Variants in MGAT5 observed in about 807,000 individuals in gnomAD.
MGAT5 encodes the protein alpha-1,6-mannosylglycoprotein 6-beta-N-acetylglucosaminyltransferase A.
In MGAT5, 30 loss-of-function variants were observed where a neutral mutation model predicts 94.3. The ratio of observed to expected loss-of-function variants is 0.32; its 90% confidence interval spans 0.24 to 0.43. The LOEUF is 0.43. Ranked by LOEUF, MGAT5 falls within the 20% of genes least tolerant of loss-of-function variation. MGAT5 has a pLI of 1.00. For synonymous variants in MGAT5, 310 were observed against 322.9 expected (o/e 0.96, Z 0.43); for missense variants, 691 against 905.5 (o/e 0.76, Z 3.04).
At chr2:134,193,442 C>G (rs1480476291) in intron 1 of MGAT5, among the ~76,000 whole-genome samples, 1 of 152,148 alleles carries the variant, frequency 6.6e-6, no homozygotes, top group African/African-American at 2.4e-5. Context: ...AGAACGATCC[C>G]CAGGGGGAGA....
chr2:134,359,500 C>T (rs1185052981), intron 9 of MGAT5, among the ~76,000 whole-genome samples: 4 of 152,210 alleles, frequency 2.6e-5, no homozygotes, highest in African/African-American at 7.2e-5. Context: ...CAGAACTTGG[C>T]ATGTAGTCAG....
intron 1 of MGAT5, chr2:134,231,445 A>C (rs1489085228): frequency 1.3e-5 from 2 of 152,242 alleles, no homozygotes; most frequent in African/African-American, 4.8e-5. Context: ...TTATCAAATA[A>C]ACTGCATTCC....
At chr2:134,154,718 G>A (rs577409343) in intron 1 of MGAT5, among the ~76,000 whole-genome samples, 2 of 152,294 alleles carry the variant, frequency 1.3e-5, no homozygotes, top group Non-Finnish European at 2.9e-5. Context: ...CCAAGCCATA[G>A]GTGGGAGTTT....
At chr2:134,304,304 C>G (rs570111742) in intron 2 of MGAT5, among the ~76,000 whole-genome samples, 3 of 152,086 alleles carry the variant, frequency 2.0e-5, no homozygotes, top group Admixed American at 2.0e-4. Flanking sequence ...CTCTCCTATC[C>G]GGATGCCATG....
chr2:134,131,230 G>A (rs1686147418), intron 1 of MGAT5, among the ~76,000 whole-genome samples: 1 of 152,176 alleles, frequency 6.6e-6, no homozygotes, highest in Non-Finnish European at 1.5e-5. Context: ...CGGTCACGCT[G>A]CCTTTAAGAA....
intron 1 of MGAT5, among the ~76,000 whole-genome samples, chr2:134,208,247 T>C (rs1680115815): frequency 6.6e-6 from 1 of 152,236 alleles, no homozygotes; most frequent in Non-Finnish European, 1.5e-5. Context: ...TTCTTCAGTT[T>C]ATCCTGCATC....
intron 2 of MGAT5, among the ~76,000 whole-genome samples, chr2:134,316,366 C>G (rs1686998364): frequency 6.6e-6 from 1 of 152,134 alleles, no homozygotes; most frequent in Non-Finnish European, 1.5e-5. Flanking sequence ...GTTAGATTGT[C>G]CCTTTGGCTG....
chr2:134,193,218 A>T (rs1304307895), intron 1 of MGAT5, among the ~76,000 whole-genome samples: 2 of 151,380 alleles, frequency 1.3e-5, no homozygotes, highest in African/African-American at 4.9e-5. Context: ...GAATTCCCAG[A>T]TTCAAGCAAT....
intron 4 of MGAT5, among the ~76,000 whole-genome samples, chr2:134,329,230 A>G (rs1368276294): frequency 6.6e-6 from 1 of 152,088 alleles, no homozygotes; most frequent in Non-Finnish European, 1.5e-5. Flanking sequence ...GAATGAGGCA[A>G]ACAGTGTAGG....
intron 1 of MGAT5, among the ~76,000 whole-genome samples, chr2:134,131,588 T>C (rs958838761): frequency 6.8e-6 from 1 of 147,624 alleles, no homozygotes; most frequent in African/African-American, 2.5e-5. Context: ...TTTTTTTTTT[T>C]TTTTTTTTTT....
At chr2:134,394,720 G>A (rs567058106) in intron 10 of MGAT5, among the ~76,000 whole-genome samples, 19 of 152,240 alleles carry the variant, frequency 1.2e-4, no homozygotes, top group Admixed American at 3.9e-4. Flanking sequence ...AGGAAGCCCC[G>A]TCACACCTAC....
chr2:134,298,495 T>C (rs1685824316), intron 2 of MGAT5, among the ~76,000 whole-genome samples: 1 of 152,208 alleles, frequency 6.6e-6, no homozygotes, highest in East Asian at 1.9e-4. Flanking sequence ...ATGTCACTTA[T>C]ATTTTTTCCA....
chr2:134,334,496 CTTTTTTTTTT>C (rs59933611), intron 4 of MGAT5, among the ~76,000 whole-genome samples: 3 of 34,108 alleles, frequency 8.8e-5, no homozygotes, highest in East Asian at 1.1e-3. Flanking sequence ...CTTGCTCATC[CTTTTTTTTTT>C]TTTTTTTTTT....
chr2:134,147,606 A>G (rs74938121), intron 1 of MGAT5, among the ~76,000 whole-genome samples: 32 of 150,882 alleles, frequency 2.1e-4, no homozygotes, highest in South Asian at 4.2e-4. Flanking sequence ...AAAAAAAAAA[A>G]AAAAGAAAAG....
intron 1 of MGAT5, among the ~76,000 whole-genome samples, chr2:134,185,036 G>A (rs781183954): frequency 6.6e-6 from 1 of 152,110 alleles, no homozygotes; most frequent in Non-Finnish European, 1.5e-5. Context: ...AGTAACTCAG[G>A]GATGGAAAAC....
chr2:134,398,514 G>GCAGTGGGGAGCA (rs1682843927), intron 10 of MGAT5, among the ~76,000 whole-genome samples: 1 of 152,178 alleles, frequency 6.6e-6, no homozygotes, highest in South Asian at 2.1e-4. Context: ...ATGTGTGTCT[G>GCAGTGGGGAGCA]CAGTGGGGAG....
At chr2:134,305,867 T>C (rs1215884372) in intron 2 of MGAT5, among the ~76,000 whole-genome samples, 1 of 152,190 alleles carries the variant, frequency 6.6e-6, no homozygotes, top group Non-Finnish European at 1.5e-5. Flanking sequence ...AAATATCACC[T>C]TAGGCCCCCA....
intron 4 of MGAT5, among the ~76,000 whole-genome samples, chr2:134,321,625 C>A (rs1002530427): frequency 1.6e-4 from 25 of 152,298 alleles, no homozygotes; most frequent in Middle Eastern, 3.4e-3. Flanking sequence ...TTGGAACGAG[C>A]AACTACGTTT....
rs114449717 is a variant in MGAT5, at chr2:134,338,849, C to T, written c.807+429C>T. Among the ~76,000 whole-genome samples, 848 of 151,848 alleles carry T rather than the reference C, an allele frequency of 5.6e-3. 8 individuals carry two copies. The highest frequency in any genetic ancestry group is 0.019 in the African/African-American group (804 of 41,242). On this transcript the variant is annotated intron_variant, in intron 6 of 15. Transcript: ENST00000281923. ...TGTCTGGTTGGTGCTTCTGCTTATG[C>T]CCGTAGGGGAGAGAGAGAGAGAAAT... is the stretch of plus-strand genomic sequence containing the variant.
Sources: allele counts gnomAD v4.1 joint callset (sites outside exome capture counted in the v4.1 genomes callset), GRCh38; gene constraint gnomAD v4.1.1; transcripts MANE v1.5; gene names NCBI Gene and HGNC (gene_info 2026-07-23, HGNC 2026-07-21).